PCDHGA12: variants seen among roughly 807,000 people sequenced by gnomAD.
PCDHGA12 encodes the protein protocadherin gamma subfamily A, 12.
A neutral mutation model predicts 61.1 loss-of-function variants in PCDHGA12; 43 were observed. That is an observed-to-expected ratio of 0.70 (90% CI 0.55 to 0.91). The LOEUF is 0.91. Among genes scored for constraint, PCDHGA12 ranks in the 40% least tolerant of loss-of-function variants. The pLI is 0.00. For missense variants in PCDHGA12, 1,236 were observed against 1,227.7 expected (o/e 1.01, Z -0.10); for synonymous variants, 520 against 542.9 (o/e 0.96, Z 0.59).
chr5:141,502,003 G>A (rs945565369), intron 2 of PCDHGA12, among the ~76,000 whole-genome samples: 17 of 151,966 alleles, frequency 1.1e-4, no homozygotes, highest in Admixed American at 1.1e-3. Flanking sequence ...CTGACAACCC[G>A]CATGCTCTCC....
At chr5:141,450,225 C>A (rs1294362576) in intron 1 of PCDHGA12, among the ~76,000 whole-genome samples, 1 of 151,976 alleles carries the variant, frequency 6.6e-6, no homozygotes, top group Non-Finnish European at 1.5e-5. Flanking sequence ...ACTATGTTGG[C>A]CAGGCTAGTC....
chr5:141,485,680 C>T lies in PCDHGA12; in HGVS notation c.2425-9127C>T. The T allele has an allele frequency of 6.2e-7, 1 of 1,613,966 alleles. No individual in the cohort carries two copies. Among genetic ancestry groups the T allele is most frequent in the South Asian group, 1.1e-5 (1 of 91,066 alleles). The stretch of plus-strand genomic sequence containing the variant: ...ATGTGGGGAGCAATTCGATTAGCAG[C>T]TATAGGCTGAGCTCCAATGAACACT... On this transcript the variant is annotated intron_variant, in intron 1 of 3. Coordinates refer to ENST00000252085, the MANE Select transcript of PCDHGA12 (RefSeq NM_003735.3). The surrounding 1 kb of genome is among the most constrained non-coding windows in gnomAD (Gnocchi z 5.7).
chr5:141,475,867 G>A (rs2099377217), intron 1 of PCDHGA12: 1 of 504,884 alleles, frequency 2.0e-6, no homozygotes, highest in Non-Finnish European at 3.5e-6. Flanking sequence ...CTCATTCTTC[G>A]TGCAGTTATT....
At chr5:141,496,602 C>T (rs981108050) in intron 2 of PCDHGA12, among the ~76,000 whole-genome samples, 1 of 152,150 alleles carries the variant, frequency 6.6e-6, no homozygotes, top group Non-Finnish European at 1.5e-5. Flanking sequence ...TCTTAGAAGG[C>T]CCCTAAAAAG....
At chr5:141,479,391 T>G (rs2099494461) in intron 1 of PCDHGA12, 1 of 152,266 alleles carries the variant, frequency 6.6e-6, no homozygotes, top group Non-Finnish European at 1.5e-5. Flanking sequence ...AGCCCAGGAG[T>G]TCTGGGCTGT....
Position 141,490,909 on chromosome 5 carries a change from G to C in PCDHGA12, c.2425-3898G>C. ...ATCTCTGCATGTGTTTGTCCTAGAC[G>C]AGAATGATAATGCCCCAGCTGTGCT... On this transcript the variant is annotated intron_variant, in intron 1 of 3. Coordinates refer to ENST00000252085, the MANE Select transcript of PCDHGA12 (RefSeq NM_003735.3). This position sits in a 1 kb window ranked among gnomAD's most constrained non-coding sequence, Gnocchi z 5.4. 1 of 1,613,744 alleles carries C rather than the reference G, an allele frequency of 6.2e-7. No individual in the cohort carries two copies. The highest frequency in any genetic ancestry group is 2.2e-5 in the East Asian group (1 of 44,870).
intron 1 of PCDHGA12, among the ~76,000 whole-genome samples, chr5:141,473,343 T>C (rs1309426537): frequency 6.6e-6 from 1 of 152,218 alleles, no homozygotes; most frequent in Non-Finnish European, 1.5e-5. Flanking sequence ...TGCTAGACAG[T>C]GAGGATGCAA....
chr5:141,485,663 A>G lies in PCDHGA12; in HGVS notation c.2425-9144A>G, dbSNP rs1594506698. ...AAAGGCTCAGGATGCAGATGTGGGG[A>G]GCAATTCGATTAGCAGCTATAGGCT... On this transcript the variant is annotated intron_variant, in intron 1 of 3. Transcript: ENST00000252085. The surrounding 1 kb of genome is among the most constrained non-coding windows in gnomAD (Gnocchi z 5.7). The G allele has an allele frequency of 1.2e-6, 2 of 1,612,638 alleles. No homozygotes were observed. Among genetic ancestry groups the G allele is most frequent in the East Asian group, 4.5e-5 (2 of 44,840 alleles).
intron 3 of PCDHGA12, among the ~76,000 whole-genome samples, chr5:141,506,473 G>A (rs976701500): frequency 2.7e-4 from 40 of 150,506 alleles, no homozygotes; most frequent in Admixed American, 1.5e-3. Flanking sequence ...AAAGAGCACA[G>A]GCTTTAGAGG....
intron 1 of PCDHGA12, chr5:141,478,432 G>T (rs1238011675): frequency 6.2e-7 from 1 of 1,613,728 alleles, no homozygotes; most frequent in Admixed American, 1.7e-5. Context: ...GCGACCCGCT[G>T]CTGAAGAAAC....
At position 141,489,125 on chromosome 5, in the gene PCDHGA12, G is replaced by T. The variant is rs537146985; in HGVS notation, c.2425-5682G>T. 1.1e-4 allele frequency: 77 copies of T among 728,124 alleles called. No individual in the cohort carries two copies. The East Asian group carries it at 1.9e-3, about 18-fold the overall frequency. 45.1% of individuals were successfully genotyped at this position (728,124 alleles called of 1,614,324 possible). A position where few individuals can be genotyped will look rare whatever the true frequency, so the allele number is the denominator to read the frequency against. ...CTGCAAGCAGGCAAACCTCCGAGCAGTTTTTAAGAGGCTGGAAGGAGACAT... is the reference window on the plus strand; with the variant it reads ...CTGCAAGCAGGCAAACCTCCGAGCATTTTTTAAGAGGCTGGAAGGAGACAT... On this transcript the variant is annotated intron_variant, in intron 1 of 3. Coordinates refer to ENST00000252085, the MANE Select transcript of PCDHGA12 (RefSeq NM_003735.3). The surrounding 1 kb of genome is among the most constrained non-coding windows in gnomAD (Gnocchi z 4.5).
intron 1 of PCDHGA12, among the ~76,000 whole-genome samples, chr5:141,448,837 C>CT (rs2098610093): frequency 6.6e-6 from 1 of 152,014 alleles, no homozygotes; most frequent in Non-Finnish European, 1.5e-5. Context: ...CCCAGCTACT[C>CT]TGGAGGCTGA....
At chr5:141,455,686 G>A (rs1282071031) in intron 1 of PCDHGA12, among the ~76,000 whole-genome samples, 1 of 152,094 alleles carries the variant, frequency 6.6e-6, no homozygotes. Context: ...AAGGCTGTGG[G>A]AATCGCCAAG....
At chr5:141,460,088 A>C (rs1225262213) in intron 1 of PCDHGA12, among the ~76,000 whole-genome samples, 2 of 151,990 alleles carry the variant, frequency 1.3e-5, no homozygotes, top group Non-Finnish European at 2.9e-5. Flanking sequence ...AAAAATAATA[A>C]TTATACATGT....
chr5:141,460,822 C>A (rs2098998601), intron 1 of PCDHGA12, among the ~76,000 whole-genome samples: 2 of 151,502 alleles, frequency 1.3e-5, no homozygotes, highest in South Asian at 4.1e-4. Context: ...TACATATATA[C>A]ACACTTAAAG....
At chr5:141,503,474 T>C (rs2099820145) in intron 2 of PCDHGA12, among the ~76,000 whole-genome samples, 1 of 151,828 alleles carries the variant, frequency 6.6e-6, no homozygotes, top group South Asian at 2.1e-4. Context: ...ATGTGTGCAC[T>C]TGTCGTCCCA....
At position 141,431,338 on chromosome 5, in the gene PCDHGA12, A is replaced by G; in HGVS notation, c.579A>G (p.Glu193=). The change falls in exon 1 of 4, where the codon GAA becomes GAG. Residue 193 remains glutamate, a synonymous_variant. Transcript: ENST00000252085. This position sits in a 1 kb window ranked among gnomAD's most constrained non-coding sequence, Gnocchi z 4.8. ...GAGCCGACGGTAGTAAGTACCCCGA[A>G]TTGGTGCTGAAACGCGCCCTGGACC... ...QNGADGSKYP[E]LVLKRALDRE... 1 of 1,614,068 alleles carries G rather than the reference A, an allele frequency of 6.2e-7. No homozygotes were observed. The highest frequency in any genetic ancestry group is 8.5e-7 in the Non-Finnish European group (1 of 1,180,032).
chr5:141,498,703 G>A (rs961006063), intron 2 of PCDHGA12, among the ~76,000 whole-genome samples: 7 of 152,228 alleles, frequency 4.6e-5, no homozygotes, highest in Non-Finnish European at 8.8e-5. Flanking sequence ...AGGCTGAGGT[G>A]GGTGGATCAC....
chr5:141,482,103 A>C (rs34394498), intron 1 of PCDHGA12, among the ~76,000 whole-genome samples: 2 of 142,250 alleles, frequency 1.4e-5, no homozygotes, highest in Non-Finnish European at 3.0e-5. Flanking sequence ...AAAAAAAAAA[A>C]AATATCTAGA....
Sources: gnomAD v4.1 joint callset for allele counts (sites outside exome capture counted in the v4.1 genomes callset) on GRCh38, gnomAD v4.1.1 for gene constraint, Gnocchi (gnomAD v3.1) non-coding constraint, MANE v1.5 for transcripts, NCBI Gene and HGNC (gene_info 2026-07-23, HGNC 2026-07-21) for gene names.